IFI44: variants seen among roughly 807,000 people sequenced by gnomAD.
IFI44 encodes interferon induced protein 44, also known as interferon-induced protein 44.
In IFI44, 42 loss-of-function variants were observed where a neutral mutation model predicts 45.0. The observed-to-expected ratio is 0.93, with a 90% confidence interval of 0.73 to 1.21. The LOEUF is 1.21. IFI44 is among the 50% of genes most tolerant of loss of function. The pLI, the probability that IFI44 is intolerant of heterozygous loss-of-function variation, is 0.00. For missense variants in IFI44, 623 were observed against 525.8 expected (o/e 1.18, Z -1.81); for synonymous variants, 221 against 188.6 (o/e 1.17, Z -1.41).
rs375199127 is a variant in IFI44 at position 78,655,068 on chromosome 1, G to A, written c.549G>A (p.Leu183=). 6.2e-6 allele frequency: 10 copies of A among 1,613,762 alleles called. No homozygotes were observed. In the African/African-American group the frequency reaches 1.1e-4, roughly 17 times the overall value. Residue 183 remains leucine (L), a synonymous_variant, in exon 4 of 9, where the codon CTG becomes CTA. Transcript: ENST00000370747. The part of the protein sequence containing the change: ...ALRTYEPYGS[L]VQQIRILLLG... Reference sequence around the variant, plus strand: ...GAACTTATGAACCATATGGATCCCTGGTTCAACAAATACGAATTCTGCTGC... The same window carrying A: ...GAACTTATGAACCATATGGATCCCTAGTTCAACAAATACGAATTCTGCTGC...
At chr1:78,656,186 G>A (rs180943457) in intron 5 of IFI44, among the ~76,000 whole-genome samples, 2 of 152,270 alleles carry the variant, frequency 1.3e-5, no homozygotes, top group Admixed American at 1.3e-4. Flanking sequence ...CACCCGATCT[G>A]TATAATGTGT....
At chr1:78,656,798 G>C (rs1647220773) in intron 5 of IFI44, among the ~76,000 whole-genome samples, 1 of 148,768 alleles carries the variant, frequency 6.7e-6, no homozygotes, top group Admixed American at 6.7e-5. Context: ...AGCAAGTTTT[G>C]TTTTTCTATT....
intron 3 of IFI44, 56 bp from the exon 4 acceptor site, chr1:78,654,958 A>G (rs1647182821): frequency 2.4e-6 from 3 of 1,264,348 alleles, no homozygotes; most frequent in Non-Finnish European, 3.2e-6. Flanking sequence ...AAAATTTATA[A>G]TAAGGTTTTG....
At chr1:78,663,359 T>C (rs978388526) in intron 8 of IFI44, 74 of 985,260 alleles carry the variant, frequency 7.5e-5, no homozygotes, top group Non-Finnish European at 8.6e-5. Context: ...AGTATGGTCA[T>C]TGCTAGGTAG....
chr1:78,649,999 GT>G, intron 1 of IFI44, 94 bp downstream of exon 1: 1 of 440,260 alleles, frequency 2.3e-6, no homozygotes, highest in Admixed American at 3.9e-5. Flanking sequence ...CTCAGTTTTT[GT>G]TTTAATTTAA....
chr1:78,661,132 G>A (rs1409295444), intron 7 of IFI44, among the ~76,000 whole-genome samples: 3 of 151,920 alleles, frequency 2.0e-5, no homozygotes, highest in Non-Finnish European at 2.9e-5. Flanking sequence ...GCATGATTTC[G>A]GCTCACTGCA....
In IFI44 at chr1:78,661,177, C is replaced by T. The variant is rs189208981; in HGVS notation, c.1113+523C>T. On this transcript the variant is annotated intron_variant, in intron 7 of 8. Transcript: ENST00000370747. ...TCCTGGGTTCAAGTGATTCTCCTGC[C>T]TCTGTCTCTCAGCAGCTGGGATTAC... Among the ~76,000 whole-genome samples, 688 of 152,186 alleles carry T rather than the reference C, an allele frequency of 4.5e-3. 4 individuals carry two copies. The highest frequency in any genetic ancestry group is 0.016 in the African/African-American group (655 of 41,518).
chr1:78,650,712 C>T, intron 2 of IFI44, 60 bp downstream of exon 2: 1 of 1,109,032 alleles, frequency 9.0e-7, no homozygotes, highest in Non-Finnish European at 1.3e-6. Flanking sequence ...TAGGTTTGAA[C>T]CAATTCATCT....
Position 78,650,560 on chromosome 1 carries a change from A to G in IFI44, c.365A>G (p.Lys122Arg). The stretch of plus-strand genomic sequence containing the variant: ...TTCCAGATAGATGGAAGAAATAGAA[A>G]AGTGATTATGGACTTAAAGACAATG... ...TNFQIDGRNR[K>R]VIMDLKTMEN... Residue 122 changes from lysine to arginine, a missense_variant, in exon 2 of 9, where the codon AAA (lysine) becomes AGA (arginine). Transcript: ENST00000370747. 2 of 1,613,682 alleles carry G rather than the reference A, an allele frequency of 1.2e-6. No individual in the cohort carries two copies. The highest frequency in any genetic ancestry group is 1.7e-6 in the Non-Finnish European group (2 of 1,179,644).
At chr1:78,661,594 A>G (rs1382103965) in intron 7 of IFI44, among the ~76,000 whole-genome samples, 1 of 152,138 alleles carries the variant, frequency 6.6e-6, no homozygotes, top group Non-Finnish European at 1.5e-5. Flanking sequence ...CGCACTAAAA[A>G]TTTTACAATT....
At chr1:78,651,241 C>A (rs548808020) in intron 2 of IFI44, among the ~76,000 whole-genome samples, 1 of 152,258 alleles carries the variant, frequency 6.6e-6, no homozygotes, top group East Asian at 1.9e-4. Context: ...AATTACACAA[C>A]TCATTGTAAT....
At chr1:78,654,925 T>G (rs1215368180) in intron 3 of IFI44, 89 bp from the exon 4 acceptor site, 28 of 994,622 alleles carry the variant, frequency 2.8e-5, no homozygotes, top group Middle Eastern at 7.1e-4. Context: ...AAAAATAATA[T>G]CTATGAAAAA....
At chr1:78,661,799 G>T (rs951809222) in intron 7 of IFI44, among the ~76,000 whole-genome samples, 4 of 152,070 alleles carry the variant, frequency 2.6e-5, no homozygotes, top group Admixed American at 2.0e-4. Context: ...GGCTTTCAAG[G>T]AGAAGAAATA....
intron 2 of IFI44, among the ~76,000 whole-genome samples, chr1:78,653,415 T>C (rs1339639886): frequency 6.6e-6 from 1 of 152,236 alleles, no homozygotes; most frequent in Non-Finnish European, 1.5e-5. Flanking sequence ...TATTACATTA[T>C]AGATATTGAG....
At chr1:78,653,946 T>G (rs1404924563) in intron 2 of IFI44, among the ~76,000 whole-genome samples, 1 of 152,192 alleles carries the variant, frequency 6.6e-6, no homozygotes, top group Non-Finnish European at 1.5e-5. Flanking sequence ...ACCCACAGCC[T>G]CAATTCCCAT....
chr1:78,654,013 A>G (rs1239617150), intron 2 of IFI44, among the ~76,000 whole-genome samples: 1 of 152,198 alleles, frequency 6.6e-6, no homozygotes, highest in African/African-American at 2.4e-5. Context: ...ATCTGCTGAT[A>G]GTACAGAGGG....
intron 6 of IFI44, among the ~76,000 whole-genome samples, chr1:78,660,173 T>C (rs541147654): frequency 1.3e-5 from 2 of 152,332 alleles, no homozygotes; most frequent in African/African-American, 4.8e-5. Flanking sequence ...TGTCTCTTTC[T>C]TGAGGATTCT....
At chr1:78,661,179 C>T (rs1647429730) in intron 7 of IFI44, among the ~76,000 whole-genome samples, 1 of 152,088 alleles carries the variant, frequency 6.6e-6, no homozygotes, top group South Asian at 2.1e-4. Context: ...TCTCCTGCCT[C>T]TGTCTCTCAG....
At chr1:78,663,616 C>A in intron 8 of IFI44, 149 bp from the exon 9 acceptor site, 1 of 1,387,212 alleles carries the variant, frequency 7.2e-7, no homozygotes, top group Non-Finnish European at 9.3e-7. Flanking sequence ...ACTCTGCCAT[C>A]TTGGTTTCCC....
Sources: gnomAD v4.1 joint callset for allele counts (sites outside exome capture counted in the v4.1 genomes callset) on GRCh38, gnomAD v4.1.1 for gene constraint, MANE v1.5 for transcripts, NCBI Gene and HGNC (gene_info 2026-07-23, HGNC 2026-07-21) for gene names.